The following SLC8A1 variants were observed in gnomAD, a reference collection of about 807,000 sequenced individuals.
The protein encoded by SLC8A1 is sodium/calcium exchanger 1.
A neutral mutation model predicts 68.3 loss-of-function variants in SLC8A1; 18 were observed. The ratio of observed to expected loss-of-function variants is 0.26; its 90% CI spans 0.18 to 0.39. The LOEUF is 0.39. Among genes scored for constraint, SLC8A1 ranks in the 10% least tolerant of loss-of-function variants. The pLI is 1.00. For synonymous variants in SLC8A1, 475 were observed against 415.5 expected, an observed-to-expected ratio of 1.14 and a Z score of -1.74; for missense variants, 985 against 1,156.7, an observed-to-expected ratio of 0.85 and a Z score of 2.15.
At chr2:40,171,111 C>G (rs188580020) in intron 4 of SLC8A1, among the ~76,000 whole-genome samples, 1 of 152,196 alleles carries the variant, frequency 6.6e-6, no homozygotes, top group African/African-American at 2.4e-5. Flanking sequence ...GGATTCAGTG[C>G]CACCTCTGCC....
At chr2:40,265,479 A>G (rs563300125) in intron 2 of SLC8A1, among the ~76,000 whole-genome samples, 7 of 152,322 alleles carry the variant, frequency 4.6e-5, no homozygotes, top group Admixed American at 4.6e-4. Flanking sequence ...GCAAAGGTCA[A>G]TGGAAAGGTA....
chr2:40,306,774 G>C (rs933798982), intron 2 of SLC8A1, among the ~76,000 whole-genome samples: 1 of 152,100 alleles, frequency 6.6e-6, no homozygotes, highest in East Asian at 1.9e-4. Flanking sequence ...CAGGCTCCAC[G>C]GCTGGTTGGC....
chr2:40,404,434 A>G (rs142083986), intron 2 of SLC8A1, among the ~76,000 whole-genome samples: 164 of 152,342 alleles, frequency 1.1e-3, no homozygotes, highest in African/African-American at 3.8e-3. Context: ...TTTTTGCAAT[A>G]GATATGGTAA....
At chr2:40,134,736 G>T (rs2040161756) in intron 7 of SLC8A1, among the ~76,000 whole-genome samples, 1 of 152,130 alleles carries the variant, frequency 6.6e-6, no homozygotes, top group Non-Finnish European at 1.5e-5. Context: ...ATGTGTAAAT[G>T]ACTGATTTGT....
chr2:40,126,223 G>T (rs1380223632), intron 7 of SLC8A1, among the ~76,000 whole-genome samples: 3 of 152,178 alleles, frequency 2.0e-5, no homozygotes, highest in Non-Finnish European at 4.4e-5. Flanking sequence ...AACTCTCAGG[G>T]CTGCTGTGGG....
At chr2:40,106,331 G>T (rs938155181) in exon 8 of SLC8A1, 1 of 152,218 alleles carries the variant, frequency 6.6e-6, no homozygotes, top group African/African-American at 2.4e-5. Flanking sequence ...CTGAGGTCAG[G>T]AGTTCGAGAC....
chr2:40,167,594 C>A (rs1366333163), intron 4 of SLC8A1, among the ~76,000 whole-genome samples: 1 of 152,168 alleles, frequency 6.6e-6, no homozygotes, highest in East Asian at 1.9e-4. Flanking sequence ...CTGTTTCTAT[C>A]ATTTGCTACA....
At chr2:40,305,069 C>T (rs1447574833) in intron 2 of SLC8A1, among the ~76,000 whole-genome samples, 2 of 152,166 alleles carry the variant, frequency 1.3e-5, no homozygotes, top group South Asian at 2.1e-4. Context: ...TAACAACTTC[C>T]CAGGTGATAG....
chr2:40,105,936 C>T (rs889264358), exon 8 of SLC8A1: 1 of 152,160 alleles, frequency 6.6e-6, no homozygotes, highest in East Asian at 1.9e-4. Context: ...TGCTTAGCTG[C>T]TTATTTGATT....
At chr2:40,478,916 C>A (rs530918867) in intron 1 of SLC8A1, among the ~76,000 whole-genome samples, 1 of 151,902 alleles carries the variant, frequency 6.6e-6, no homozygotes, top group Non-Finnish European at 1.5e-5. Context: ...GGATTATAGG[C>A]GCCCGCCACC....
chr2:40,398,716 A>G (rs1687781619), intron 2 of SLC8A1, among the ~76,000 whole-genome samples: 2 of 152,166 alleles, frequency 1.3e-5, no homozygotes, highest in African/African-American at 4.8e-5. Flanking sequence ...GCTGTATAGT[A>G]TTTCCTTGTG....
At chr2:40,220,591 C>T (rs1218565460) in intron 2 of SLC8A1, among the ~76,000 whole-genome samples, 1 of 152,148 alleles carries the variant, frequency 6.6e-6, no homozygotes, top group Non-Finnish European at 1.5e-5. Flanking sequence ...GAAAAAAGCA[C>T]TCAGCTATTA....
chr2:40,298,046 T>A (rs542290447), intron 2 of SLC8A1, among the ~76,000 whole-genome samples: 3 of 151,936 alleles, frequency 2.0e-5, no homozygotes, highest in South Asian at 2.1e-4. Context: ...CTCCTGGCAA[T>A]TTTTTTTGTG....
At chr2:40,240,138 A>G (rs1434888466) in intron 2 of SLC8A1, among the ~76,000 whole-genome samples, 1 of 152,206 alleles carries the variant, frequency 6.6e-6, no homozygotes, top group Non-Finnish European at 1.5e-5. Context: ...CAGTTATGGC[A>G]TAATATTTGG....
intron 2 of SLC8A1, among the ~76,000 whole-genome samples, chr2:40,247,115 C>T (rs532286616): frequency 1.2e-4 from 19 of 152,186 alleles, no homozygotes; most frequent in Admixed American, 1.0e-3. Context: ...TGGCCATTTT[C>T]CTGGGCAGAA....
intron 2 of SLC8A1, among the ~76,000 whole-genome samples, chr2:40,225,662 G>A (rs2058881795): frequency 6.6e-6 from 1 of 152,152 alleles, no homozygotes. Context: ...AGCCGCGCTT[G>A]CCTATGTCTG....
At chr2:40,263,174 T>C (rs1298418688) in intron 2 of SLC8A1, among the ~76,000 whole-genome samples, 1 of 152,216 alleles carries the variant, frequency 6.6e-6, no homozygotes, top group Admixed American at 6.5e-5. Flanking sequence ...ATTTGCTGGT[T>C]GATTCAAGAG....
intron 2 of SLC8A1, among the ~76,000 whole-genome samples, chr2:40,309,505 T>A (rs1392299005): frequency 1.3e-5 from 2 of 148,262 alleles, no homozygotes; most frequent in African/African-American, 4.9e-5. Flanking sequence ...TATTTTACTT[T>A]TTTTTTTTTT....
intron 2 of SLC8A1, among the ~76,000 whole-genome samples, chr2:40,184,630 G>T (rs1413210744): frequency 6.6e-6 from 1 of 152,086 alleles, no homozygotes; most frequent in Non-Finnish European, 1.5e-5. Flanking sequence ...AAGCATTTCA[G>T]TTGCCGCAGA....
Sources: allele counts gnomAD v4.1 joint callset (sites outside exome capture counted in the v4.1 genomes callset), GRCh38; gene constraint gnomAD v4.1.1; transcripts MANE v1.5; gene names NCBI Gene and HGNC (gene_info 2026-07-23, HGNC 2026-07-21).